The following PARD3 variants were observed in gnomAD, a reference collection of about 807,000 sequenced individuals.
PARD3 encodes the protein par-3 family cell polarity regulator, also known as partitioning defective 3 homolog.
PARD3 carries 75 observed loss-of-function variants against 155.4 expected under a neutral mutation model. The observed-to-expected ratio is 0.48, with a 90% confidence interval of 0.40 to 0.58. The LOEUF is 0.58. PARD3 is among the 20% of genes least tolerant of loss of function. The pLI is 0.00. For missense variants in PARD3, 1,642 were observed against 1,721.7 expected, an observed-to-expected ratio of 0.95 and a Z score of 0.82; for synonymous variants, 576 against 610.5, an observed-to-expected ratio of 0.94 and a Z score of 0.83.
At chr10:34,393,924 A>G (rs958213155) in intron 7 of PARD3, among the ~76,000 whole-genome samples, 2 of 145,780 alleles carry the variant, frequency 1.4e-5, no homozygotes, top group Non-Finnish European at 3.0e-5. Flanking sequence ...TGCAACCTCC[A>G]CCTCCTGGGT....
Position 34,725,325 on chromosome 10 carries a change from G to A in PARD3, c.121-28906C>T, listed in dbSNP as rs142227964. Among the ~76,000 whole-genome samples the A allele has an allele frequency of 9.8e-3, 1,490 of 152,070 alleles. 28 individuals are homozygous for A. Among genetic ancestry groups the A allele is most frequent in the African/African-American group, 0.034 (1,409 of 41,456 alleles). On this transcript the variant is annotated intron_variant, in intron 1 of 24. Coordinates refer to ENST00000374788, the MANE Select transcript of PARD3 (RefSeq NM_001184785.2). Reference sequence around the variant, plus strand: ...CTGCCACTACGCCTGGCTAATTTTTGTATTTTTAGTAGAGATGGGGTTTCA... The same window carrying A: ...CTGCCACTACGCCTGGCTAATTTTTATATTTTTAGTAGAGATGGGGTTTCA...
chr10:34,734,322 C>CTTTTTTTTTTTT (rs142307338), intron 1 of PARD3, among the ~76,000 whole-genome samples: 2 of 67,980 alleles, frequency 2.9e-5, no homozygotes, highest in African/African-American at 1.2e-4. Flanking sequence ...ATATGGGGCC[C>CTTTTTTTTTTTT]TTTTTTTTTT....
chr10:34,400,798 C>T (rs934094303), intron 6 of PARD3, among the ~76,000 whole-genome samples: 5 of 151,174 alleles, frequency 3.3e-5, no homozygotes, highest in Non-Finnish European at 7.4e-5. Context: ...TGCCATACTG[C>T]CAAATGGTTA....
At chr10:34,508,724 T>C (rs2081230596) in intron 3 of PARD3, among the ~76,000 whole-genome samples, 2 of 152,196 alleles carry the variant, frequency 1.3e-5, no homozygotes, top group Admixed American at 6.5e-5. Flanking sequence ...TCTGTAAAAG[T>C]TCCACTCCAT....
chr10:34,499,730 C>G (rs548704679), intron 3 of PARD3, among the ~76,000 whole-genome samples: 1 of 152,172 alleles, frequency 6.6e-6, no homozygotes, highest in Admixed American at 6.5e-5. Context: ...CAAGACCATG[C>G]GGCCCTTCCT....
rs773815271 is a variant in PARD3 at position 34,384,118 on chromosome 10, C to CA, written c.1016+10dup. 6.2e-7 allele frequency: 1 copy of CA among 1,611,608 alleles called. No individual in the cohort carries two copies. The highest frequency in any genetic ancestry group is 1.3e-5 in the African/African-American group (1 of 74,922). Reference sequence around the variant, plus strand: ...CAAGTAAGAACAGAAGTGCAGCGAGCACACACTTACTGTTCAAATCTTCTA... The same window carrying CA: ...CAAGTAAGAACAGAAGTGCAGCGAGCAACACACTTACTGTTCAAATCTTCTA... On this transcript the variant is annotated intron_variant, in intron 8 of 24. Coordinates refer to ENST00000374788, the MANE Select transcript of PARD3 (RefSeq NM_001184785.2).
intron 1 of PARD3, among the ~76,000 whole-genome samples, chr10:34,732,457 G>A (rs923089852): frequency 2.0e-5 from 3 of 152,180 alleles, no homozygotes; most frequent in African/African-American, 7.2e-5. Context: ...ACTTTGGGAG[G>A]CCAAGGTGGG....
chr10:34,559,460 A>G (rs975531132), intron 2 of PARD3, among the ~76,000 whole-genome samples: 3 of 152,130 alleles, frequency 2.0e-5, no homozygotes, highest in Admixed American at 6.5e-5. Flanking sequence ...TGAAAAAAAA[A>G]AAAAGAAAAG....
chr10:34,322,285 T>C (rs949550501), intron 19 of PARD3, among the ~76,000 whole-genome samples: 4 of 152,152 alleles, frequency 2.6e-5, no homozygotes, highest in African/African-American at 9.7e-5. Flanking sequence ...GATAGCTGAA[T>C]TATGGAATTA....
intron 22 of PARD3, chr10:34,201,918 C>T (rs1951234002): frequency 6.6e-6 from 1 of 152,148 alleles, no homozygotes; most frequent in Non-Finnish European, 1.5e-5. Context: ...TGCACCATTG[C>T]TCTTGGAAAA....
intron 21 of PARD3, among the ~76,000 whole-genome samples, chr10:34,283,310 A>T (rs141554385): frequency 2.3e-4 from 35 of 152,274 alleles, no homozygotes; most frequent in African/African-American, 7.5e-4. Context: ...ATCCCAGATT[A>T]TTCAAAGTAA....
chr10:34,172,999 T>C (rs1412694865), intron 22 of PARD3, among the ~76,000 whole-genome samples: 1 of 152,240 alleles, frequency 6.6e-6, no homozygotes, highest in Non-Finnish European at 1.5e-5. Flanking sequence ...TTTTATGAAA[T>C]CTTCCAAATC....
At chr10:34,552,426 G>A (rs2084656322) in intron 2 of PARD3, among the ~76,000 whole-genome samples, 1 of 152,250 alleles carries the variant, frequency 6.6e-6, no homozygotes, top group Non-Finnish European at 1.5e-5. Context: ...CTAAATTTAT[G>A]GCTGGGAGTA....
chr10:34,498,141 T>A (rs2080416443), intron 3 of PARD3, among the ~76,000 whole-genome samples: 1 of 152,106 alleles, frequency 6.6e-6, no homozygotes, highest in South Asian at 2.1e-4. Context: ...AACAAAAATT[T>A]CAAATACGAG....
intron 22 of PARD3, among the ~76,000 whole-genome samples, chr10:34,145,221 A>ATATTTTTT (rs1491430560): frequency 3.8e-4 from 13 of 33,966 alleles, no homozygotes; most frequent in Non-Finnish European, 6.0e-4. Flanking sequence ...ATATATATAT[A>ATATTTTTT]TTTTTTTTTT....
chr10:34,745,702 T>A (rs1835220893), intron 1 of PARD3, among the ~76,000 whole-genome samples: 1 of 151,348 alleles, frequency 6.6e-6, no homozygotes, highest in Admixed American at 6.6e-5. Flanking sequence ...CACTTTGGGA[T>A]TACAAGTGAT....
chr10:34,489,575 G>A (rs1468287387), intron 3 of PARD3, among the ~76,000 whole-genome samples: 1 of 152,198 alleles, frequency 6.6e-6, no homozygotes, highest in Non-Finnish European at 1.5e-5. Context: ...CCAACTGGTT[G>A]CTCCAAGGCA....
At chr10:34,701,327 G>A (rs976909950) in intron 1 of PARD3, among the ~76,000 whole-genome samples, 15 of 113,048 alleles carry the variant, frequency 1.3e-4, no homozygotes, top group Non-Finnish European at 2.8e-4. Context: ...CACAATACAC[G>A]CGGGGATGTT....
At chr10:34,523,493 C>T (rs1257150481) in intron 2 of PARD3, among the ~76,000 whole-genome samples, 2 of 152,126 alleles carry the variant, frequency 1.3e-5, no homozygotes, top group Admixed American at 1.3e-4. Context: ...TTGGAGAATA[C>T]TAGAAACAAG....
Sources: gnomAD v4.1 joint callset for allele counts (sites outside exome capture counted in the v4.1 genomes callset) on GRCh38, gnomAD v4.1.1 for gene constraint, MANE v1.5 for transcripts, NCBI Gene and HGNC (gene_info 2026-07-23, HGNC 2026-07-21) for gene names.